GALNT13: variants seen among roughly 807,000 people sequenced by gnomAD.
GALNT13 encodes polypeptide N-acetylgalactosaminyltransferase 13, also known as UDP-GalNAc:polypeptide N-acetylgalactosaminyltransferase 13.
A neutral mutation model predicts 64.2 loss-of-function variants in GALNT13; 28 were observed. The ratio of observed to expected loss-of-function variants is 0.44; its 90% CI spans 0.32 to 0.60. GALNT13 has a LOEUF of 0.60. GALNT13 is among the 20% of genes least tolerant of loss of function. GALNT13 has a pLI of 0.05. For synonymous variants in GALNT13, 214 were observed against 224.6 expected (o/e 0.95, Z 0.42); for missense variants, 577 against 669.8 (o/e 0.86, Z 1.53).
chr2:153,879,357 CGTGT>C (rs4034904), intron 1 of GALNT13, among the ~76,000 whole-genome samples: 10,323 of 148,238 alleles, frequency 0.07, 401 homozygotes, highest in Middle Eastern at 0.13. Context: ...AAACTACCTA[CGTGT>C]GTGTGTGTGT....
chr2:153,722,875 A>G, the GALNT13 span, among the ~76,000 whole-genome samples: 2 of 150,932 alleles, frequency 1.3e-5, no homozygotes, highest in African/African-American at 4.9e-5. Context: ...TACCAGAGGT[A>G]CAAGGAGGAA....
At chr2:154,067,640 A>C (rs1308385411) in intron 3 of GALNT13, among the ~76,000 whole-genome samples, 2 of 152,094 alleles carry the variant, frequency 1.3e-5, no homozygotes, top group African/African-American at 4.8e-5. Context: ...TATATAAAGG[A>C]AATATTAGAG....
the GALNT13 span, among the ~76,000 whole-genome samples, chr2:153,864,890 C>T: frequency 0.29 from 40,902 of 142,016 alleles, 6,253 homozygotes; most frequent in Middle Eastern, 0.43. Flanking sequence ...GGAGGCATCA[C>T]GCTACCTGAC....
the GALNT13 span, among the ~76,000 whole-genome samples, chr2:153,235,016 G>A: frequency 6.6e-6 from 1 of 152,126 alleles, no homozygotes; most frequent in East Asian, 1.9e-4. Flanking sequence ...ATGGTGATCT[G>A]TTATCAGTGA....
At chr2:154,224,732 A>C (rs1350597599) in intron 4 of GALNT13, among the ~76,000 whole-genome samples, 1 of 152,148 alleles carries the variant, frequency 6.6e-6, no homozygotes, top group East Asian at 1.9e-4. Flanking sequence ...AATTTGACAC[A>C]AATCTCACAT....
intron 7 of GALNT13, among the ~76,000 whole-genome samples, chr2:154,250,927 A>G (rs1690036296): frequency 6.6e-6 from 1 of 152,088 alleles, no homozygotes; most frequent in African/African-American, 2.4e-5. Context: ...GAAATAACTA[A>G]CTTTGGAATG....
chr2:154,164,061 A>G (rs1338780518), intron 4 of GALNT13, among the ~76,000 whole-genome samples: 3 of 152,202 alleles, frequency 2.0e-5, no homozygotes, highest in Admixed American at 1.3e-4. Flanking sequence ...GCAAAGCTTT[A>G]TATCATACTG....
chr2:153,937,949 G>A (rs991473345), intron 2 of GALNT13, among the ~76,000 whole-genome samples: 1 of 152,180 alleles, frequency 6.6e-6, no homozygotes, highest in African/African-American at 2.4e-5. Context: ...TGGGAAGATA[G>A]GGATGTATAG....
rs371245050 is a variant in GALNT13, at chr2:154,257,589, T to C, written c.858-1432T>C. 19 of 152,266 alleles carry C rather than the reference T, an allele frequency of 1.2e-4. No individual in the cohort carries two copies. In the East Asian group the frequency reaches 3.3e-3, roughly 26 times the overall value. The allele number at this position is 152,266 out of a possible 1,614,324, so 9.4% of individuals were successfully genotyped here. On this transcript the variant is annotated intron_variant, in intron 7 of 12. Coordinates refer to ENST00000392825, the MANE Select transcript of GALNT13 (RefSeq NM_052917.4). Reference sequence around the variant, plus strand: ...AGAAGGTCAATGATACTGTTCATGATAGGAACCCAGCAAGGCGAAAAGTAA... The same window carrying C: ...AGAAGGTCAATGATACTGTTCATGACAGGAACCCAGCAAGGCGAAAAGTAA...
chr2:153,145,685 T>C, the GALNT13 span, among the ~76,000 whole-genome samples: 1 of 151,970 alleles, frequency 6.6e-6, no homozygotes, highest in South Asian at 2.1e-4. Flanking sequence ...CCAGTGCAGT[T>C]ACTCTAAACT....
intron 9 of GALNT13, among the ~76,000 whole-genome samples, chr2:154,364,039 G>T (rs1697225498): frequency 6.6e-6 from 1 of 151,922 alleles, no homozygotes; most frequent in Non-Finnish European, 1.5e-5. Flanking sequence ...AAATCACACA[G>T]GTTATATATA....
Position 154,097,446 on chromosome 2 carries a change from A to G in GALNT13, c.143-42891A>G, listed in dbSNP as rs144068443. Among the ~76,000 whole-genome samples, 75 of 152,244 alleles carry G rather than the reference A, an allele frequency of 4.9e-4. 2 individuals are homozygous for G. In the East Asian group the frequency reaches 0.013, roughly 26 times the overall value. On this transcript the variant is annotated intron_variant, in intron 3 of 12. Transcript: ENST00000392825. The stretch of plus-strand genomic sequence containing the variant: ...AAGAAATATGTTAAAATAAATTATA[A>G]TTAAGATGAAGCCTGTTTCTGTACT...
At chr2:153,684,345 A>G in the GALNT13 span, among the ~76,000 whole-genome samples, 1 of 151,674 alleles carries the variant, frequency 6.6e-6, no homozygotes, top group Non-Finnish European at 1.5e-5. Context: ...AACTGTCATT[A>G]TGTATGAGCT....
chr2:154,315,914 C>T (rs1694294173), intron 9 of GALNT13, among the ~76,000 whole-genome samples: 1 of 151,960 alleles, frequency 6.6e-6, no homozygotes, highest in Non-Finnish European at 1.5e-5. Flanking sequence ...ATGGTCAAAC[C>T]CTATCTCCAC....
chr2:153,689,070 ATGTG>A, the GALNT13 span, among the ~76,000 whole-genome samples: 4,313 of 127,734 alleles, frequency 0.034, 272 homozygotes, highest in East Asian at 0.33. Context: ...CCGCGTGTGT[ATGTG>A]TGTGTGTGTG....
intron 9 of GALNT13, among the ~76,000 whole-genome samples, chr2:154,374,114 G>A (rs963403167): frequency 8.5e-5 from 13 of 152,142 alleles, no homozygotes; most frequent in Non-Finnish European, 1.5e-4. Flanking sequence ...CTCTTGTGCA[G>A]TATAGAATTG....
At chr2:153,986,148 C>T (rs1367242731) in intron 3 of GALNT13, among the ~76,000 whole-genome samples, 1 of 151,962 alleles carries the variant, frequency 6.6e-6, no homozygotes, top group Non-Finnish European at 1.5e-5. Flanking sequence ...ATCAGTACCT[C>T]GTATTTACTT....
chr2:154,233,439 C>A (rs1689033750), intron 4 of GALNT13, among the ~76,000 whole-genome samples: 1 of 152,124 alleles, frequency 6.6e-6, no homozygotes, highest in Non-Finnish European at 1.5e-5. Context: ...GAGCAACTTA[C>A]CCTCCTGAGA....
chr2:153,255,589 T>C, the GALNT13 span, among the ~76,000 whole-genome samples: 2 of 152,136 alleles, frequency 1.3e-5, no homozygotes, highest in African/African-American at 4.8e-5. Context: ...TGGCATGATT[T>C]TGCAGCGGCT....
Sources: gnomAD v4.1 joint callset for allele counts (sites outside exome capture counted in the v4.1 genomes callset) on GRCh38, gnomAD v4.1.1 for gene constraint, MANE v1.5 for transcripts, NCBI Gene and HGNC (gene_info 2026-07-23, HGNC 2026-07-21) for gene names.